FARS2: variants seen among roughly 807,000 people sequenced by gnomAD.
FARS2 encodes phenylalanyl-tRNA synthetase 2, mitochondrial.
Under a neutral mutation model 46.4 loss-of-function variants are expected in FARS2, and 40 were observed. The observed-to-expected ratio is 0.86, with a 90% CI of 0.67 to 1.12. The LOEUF is 1.12. Among genes scored for constraint, FARS2 ranks in the 50% most tolerant of loss-of-function variants. The probability of loss-of-function intolerance (pLI) is 0.00; values close to 1 mark genes in which losing one functional copy is unlikely to be tolerated. For synonymous variants in FARS2, 234 were observed against 214.9 expected, an observed-to-expected ratio of 1.09 and a Z score of -0.78; for missense variants, 513 against 567.9, an observed-to-expected ratio of 0.90 and a Z score of 0.98.
intron 1 of FARS2, among the ~76,000 whole-genome samples, chr6:5,325,907 A>G (rs1770343212): frequency 6.6e-6 from 1 of 152,238 alleles, no homozygotes; most frequent in Admixed American, 6.5e-5. Context: ...TTATAAATAA[A>G]TATGAAAGCA....
chr6:5,378,410 A>C (rs1759526897), intron 2 of FARS2, among the ~76,000 whole-genome samples: 1 of 152,106 alleles, frequency 6.6e-6, no homozygotes, highest in Non-Finnish European at 1.5e-5. Flanking sequence ...AACCGCTGTC[A>C]TTTATCATTA....
At chr6:5,307,858 A>G (rs978899223) in intron 1 of FARS2, among the ~76,000 whole-genome samples, 13 of 152,174 alleles carry the variant, frequency 8.5e-5, no homozygotes, top group Non-Finnish European at 1.3e-4. Flanking sequence ...GTCAGCCTCA[A>G]GGCTCATGAC....
chr6:5,737,418 C>A (rs571750083), intron 6 of FARS2, among the ~76,000 whole-genome samples: 1 of 152,314 alleles, frequency 6.6e-6, no homozygotes, highest in South Asian at 2.1e-4. Context: ...GTAGTCCCAG[C>A]TACTCAAGAG....
Position 5,278,580 on chromosome 6 carries a change from T to C in FARS2, c.-22+16920T>C, listed in dbSNP as rs181795774. On this transcript the variant is annotated intron_variant, in intron 1 of 6. Transcript: ENST00000274680. Reference sequence around the variant, plus strand: ...TGATGTATGTTTTAATGTGTGTAGATTTAAAATACATTCTTTAACATTATT... The same window carrying C: ...TGATGTATGTTTTAATGTGTGTAGACTTAAAATACATTCTTTAACATTATT... Among the ~76,000 whole-genome samples, 25 of 152,304 alleles carry C rather than the reference T, an allele frequency of 1.6e-4. No individual in the cohort carries two copies. In the South Asian group the frequency reaches 4.8e-3, roughly 29 times the overall value.
chr6:5,480,078 T>A (rs1286727217), intron 4 of FARS2, among the ~76,000 whole-genome samples: 1 of 152,246 alleles, frequency 6.6e-6, no homozygotes, highest in Non-Finnish European at 1.5e-5. Context: ...TCCTCAGAAC[T>A]GTCTGGTTCA....
Position 5,765,927 on chromosome 6 carries a change from GT to G in FARS2, c.1218-5362del, listed in dbSNP as rs1363810305. On this transcript the variant is annotated intron_variant, in intron 6 of 6. Transcript: ENST00000274680. This position sits in a 1 kb window ranked among gnomAD's most constrained non-coding sequence, Gnocchi z 4.0. ...ACTGGTGACAATGGAAGCCCCAGAGGTTCAAACATTCTAAGATGCCTATACC... is the reference window on the plus strand; with the variant it reads ...ACTGGTGACAATGGAAGCCCCAGAGGTCAAACATTCTAAGATGCCTATACC... 2.6e-5 allele frequency among the ~76,000 whole-genome samples: 4 copies of G among 152,100 alleles called. No individual in the cohort carries two copies. The highest frequency in any genetic ancestry group is 5.9e-5 in the Non-Finnish European group (4 of 68,026).
chr6:5,409,082 T>A (rs1359110871), intron 3 of FARS2, among the ~76,000 whole-genome samples: 7 of 152,176 alleles, frequency 4.6e-5, no homozygotes, highest in African/African-American at 1.7e-4. Flanking sequence ...AAAAAACAAT[T>A]TATGCAATAT....
intron 2 of FARS2, among the ~76,000 whole-genome samples, chr6:5,383,829 T>C (rs890614200): frequency 1.3e-5 from 2 of 152,100 alleles, no homozygotes; most frequent in Admixed American, 6.5e-5. Flanking sequence ...TAGTAATGTG[T>C]CTTCTGTCAC....
At chr6:5,590,377 G>A (rs568334054) in intron 5 of FARS2, among the ~76,000 whole-genome samples, 3 of 152,310 alleles carry the variant, frequency 2.0e-5, no homozygotes, top group African/African-American at 7.2e-5. Context: ...TAGAGTCTCA[G>A]GCACCCAGCC....
chr6:5,472,327 A>C (rs1031951617), intron 4 of FARS2, among the ~76,000 whole-genome samples: 1 of 152,188 alleles, frequency 6.6e-6, no homozygotes, highest in Non-Finnish European at 1.5e-5. Flanking sequence ...AGGGCCCCCA[A>C]ATGTGATGGA....
chr6:5,750,321 T>G (rs1184767928), intron 6 of FARS2, among the ~76,000 whole-genome samples: 1 of 152,016 alleles, frequency 6.6e-6, no homozygotes, highest in African/African-American at 2.4e-5. Context: ...GTGGGAGTGA[T>G]GACTGGGCAC....
At chr6:5,564,790 C>G (rs1772230662) in intron 5 of FARS2, among the ~76,000 whole-genome samples, 1 of 152,192 alleles carries the variant, frequency 6.6e-6, no homozygotes, top group Admixed American at 6.5e-5. Context: ...TTTGGTGAGC[C>G]TATCCTCTCG....
chr6:5,504,685 A>C (rs561512255), intron 4 of FARS2, among the ~76,000 whole-genome samples: 2 of 152,360 alleles, frequency 1.3e-5, no homozygotes, highest in Admixed American at 6.5e-5. Flanking sequence ...AATTCAAAAC[A>C]TACAGTTACA....
At chr6:5,509,263 A>G (rs1768285623) in intron 4 of FARS2, among the ~76,000 whole-genome samples, 1 of 152,264 alleles carries the variant, frequency 6.6e-6, no homozygotes, top group African/African-American at 2.4e-5. Flanking sequence ...AGCTTTGCCC[A>G]GGTTCTCCTG....
chr6:5,650,605 C>T (rs1457004012), intron 6 of FARS2, among the ~76,000 whole-genome samples: 2 of 152,106 alleles, frequency 1.3e-5, no homozygotes, highest in African/African-American at 2.4e-5. Flanking sequence ...CTCAGCCTCC[C>T]GAGTAGCTGG....
intron 6 of FARS2, among the ~76,000 whole-genome samples, chr6:5,710,291 T>A (rs766632073): frequency 2.0e-5 from 3 of 152,210 alleles, no homozygotes; most frequent in Non-Finnish European, 4.4e-5. Context: ...GGTCACTGAC[T>A]GTGATGAGAC....
intron 1 of FARS2, among the ~76,000 whole-genome samples, chr6:5,346,037 G>A (rs569292629): frequency 7.9e-5 from 12 of 152,336 alleles, no homozygotes; most frequent in African/African-American, 2.6e-4. Context: ...TGGAGCAGCA[G>A]TGCTCACTGG....
intron 3 of FARS2, among the ~76,000 whole-genome samples, chr6:5,408,818 T>C (rs902289986): frequency 6.6e-6 from 1 of 152,120 alleles, no homozygotes; most frequent in Non-Finnish European, 1.5e-5. Context: ...TTATCATGTC[T>C]GAGGGAACAA....
intron 5 of FARS2, among the ~76,000 whole-genome samples, chr6:5,577,351 A>T (rs1055064394): frequency 2.8e-5 from 3 of 105,332 alleles, no homozygotes; most frequent in African/African-American, 6.8e-5. Context: ...AAATAGAGAG[A>T]GAGTGAGTGT....
Sources: gnomAD v4.1 joint callset for allele counts (sites outside exome capture counted in the v4.1 genomes callset) on GRCh38, gnomAD v4.1.1 for gene constraint, Gnocchi (gnomAD v3.1) non-coding constraint, MANE v1.5 for transcripts, NCBI Gene and HGNC (gene_info 2026-07-23, HGNC 2026-07-21) for gene names.